PARVA: variants seen among roughly 807,000 people sequenced by gnomAD.
PARVA encodes parvin alpha.
In PARVA, 25 loss-of-function variants were observed where a neutral mutation model predicts 52.6. That is an observed-to-expected ratio of 0.48 (90% CI 0.35 to 0.66). The LOEUF is 0.66. Among genes scored for constraint, PARVA ranks in the 30% least tolerant of loss-of-function variants. The pLI is 0.01. For synonymous variants in PARVA, 185 were observed against 179.1 expected, an observed-to-expected ratio of 1.03 and a Z score of -0.26; for missense variants, 373 against 450.9, an observed-to-expected ratio of 0.83 and a Z score of 1.56.
intron 1 of PARVA, among the ~76,000 whole-genome samples, chr11:12,464,748 T>A (rs1940831821): frequency 6.6e-6 from 1 of 152,246 alleles, no homozygotes; most frequent in Non-Finnish European, 1.5e-5. Flanking sequence ...AAACTCATGT[T>A]CAAACTTAAT....
intron 10 of PARVA, 38 bp from the exon 11 acceptor site, chr11:12,517,572 G>T: frequency 6.9e-7 from 1 of 1,444,252 alleles, no homozygotes; most frequent in Non-Finnish European, 9.5e-7. Context: ...TGGCTGGGAG[G>T]CTCAGGGGCC....
Position 12,534,012 on chromosome 11 carries a change from C to CA in PARVA, c.*6093dup, listed in dbSNP as rs1248934083. ...TGAAACCCCGTCTGTACTAAAAATA[C>CA]AAAAAATTAGCCAGGTGTGGTGGTG... On this transcript the variant is annotated 3_prime_UTR_variant, in exon 13 of 13. Transcript: ENST00000334956. Among the ~76,000 whole-genome samples, 13 of 152,074 alleles carry CA rather than the reference C, an allele frequency of 8.5e-5. No homozygotes were observed. In the South Asian group the frequency reaches 2.3e-3, roughly 27 times the overall value.
At chr11:12,513,839 T>C (rs2135078649) in intron 9 of PARVA, 158 bp from the exon 10 acceptor site, 1 of 649,806 alleles carries the variant, frequency 1.5e-6, no homozygotes, top group Admixed American at 2.4e-5. Context: ...GTGCACTCAA[T>C]GGCCTTTGCA....
At chr11:12,384,004 A>G (rs1589935959) in intron 1 of PARVA, among the ~76,000 whole-genome samples, 2 of 151,910 alleles carry the variant, frequency 1.3e-5, no homozygotes, top group African/African-American at 2.4e-5. Context: ...CCTTTCTACC[A>G]TATCTGGCCA....
intron 5 of PARVA, among the ~76,000 whole-genome samples, chr11:12,499,467 A>AT (rs1394787922): frequency 1.3e-5 from 2 of 151,576 alleles, no homozygotes; most frequent in African/African-American, 4.9e-5. Context: ...CACAACAGTA[A>AT]TTTTCATTAT....
intron 3 of PARVA, among the ~76,000 whole-genome samples, 183 bp from the exon 4 acceptor site, chr11:12,477,664 C>CTT (rs1012743484): frequency 6.6e-6 from 1 of 152,166 alleles, no homozygotes; most frequent in African/African-American, 2.4e-5. Flanking sequence ...AGGAAGATCA[C>CTT]TTGAGCCCAG....
intron 8 of PARVA, among the ~76,000 whole-genome samples, chr11:12,512,004 C>A (rs180879971): frequency 3.3e-5 from 5 of 152,132 alleles, no homozygotes; most frequent in African/African-American, 4.8e-5. Context: ...CAGAAAAAAA[C>A]GTTTTGAGCA....
chr11:12,495,432 C>T (rs1484055272), intron 4 of PARVA, among the ~76,000 whole-genome samples: 3 of 151,994 alleles, frequency 2.0e-5, no homozygotes, highest in African/African-American at 2.4e-5. Context: ...GTATAGCAGC[C>T]CTTAAAAATT....
At chr11:12,485,838 T>C (rs1429219139) in intron 4 of PARVA, among the ~76,000 whole-genome samples, 1 of 152,184 alleles carries the variant, frequency 6.6e-6, no homozygotes, top group Non-Finnish European at 1.5e-5. Flanking sequence ...ACTTCACTTC[T>C]GTGGTCTTCC....
At chr11:12,380,978 T>C (rs1939476617) in intron 1 of PARVA, among the ~76,000 whole-genome samples, 1 of 152,212 alleles carries the variant, frequency 6.6e-6, no homozygotes, top group Admixed American at 6.5e-5. Context: ...TATATTTCAC[T>C]GTAAAGTCCT....
chr11:12,393,064 A>G (rs76530277), intron 1 of PARVA, among the ~76,000 whole-genome samples: 11,090 of 146,498 alleles, frequency 0.076, 559 homozygotes, highest in African/African-American at 0.13. Context: ...AAAAAAAAAA[A>G]AAAGAAAGAA....
At chr11:12,452,505 C>A (rs1940636527) in intron 1 of PARVA, among the ~76,000 whole-genome samples, 1 of 152,142 alleles carries the variant, frequency 6.6e-6, no homozygotes, top group African/African-American at 2.4e-5. Context: ...TCCAGTGTGG[C>A]CTTGGGGTCA....
At position 12,433,476 on chromosome 11, in the gene PARVA, G is replaced by C. The variant is rs142801598; in HGVS notation, c.137-40269G>C. Among the ~76,000 whole-genome samples the C allele has an allele frequency of 1.7e-4, 26 of 152,270 alleles. No homozygotes were observed. The East Asian group carries it at 4.4e-3, about 26-fold the overall frequency. On this transcript the variant is annotated intron_variant, in intron 1 of 12. Coordinates refer to ENST00000334956, the MANE Select transcript of PARVA (RefSeq NM_018222.5). ...AGCACTTGAGAGTATTTCAGTTTGG[G>C]TTGTGTGGAAGGTTTGTTCTGTTTT...
chr11:12,377,570 C>T (rs1373567846), upstream of PARVA: 20 of 1,495,454 alleles, frequency 1.3e-5, no homozygotes, highest in Non-Finnish European at 1.5e-5. Context: ...GCCGCAGCCT[C>T]AGTCCCGCCG....
intron 1 of PARVA, among the ~76,000 whole-genome samples, chr11:12,438,548 T>G (rs1940420397): frequency 6.6e-6 from 1 of 152,134 alleles, no homozygotes. Context: ...TCCCCACCTT[T>G]TAATACTGTT....
intron 1 of PARVA, among the ~76,000 whole-genome samples, chr11:12,391,508 A>G (rs926191969): frequency 6.6e-6 from 1 of 152,196 alleles, no homozygotes; most frequent in Non-Finnish European, 1.5e-5. Flanking sequence ...AAAGAAAAAC[A>G]ACACCCCTGC....
intron 1 of PARVA, among the ~76,000 whole-genome samples, chr11:12,384,442 A>T (rs759294911): frequency 3.3e-5 from 5 of 152,232 alleles, no homozygotes; most frequent in Non-Finnish European, 7.3e-5. Flanking sequence ...TGGAGCTTAC[A>T]TTCTAACAGG....
intron 5 of PARVA, among the ~76,000 whole-genome samples, chr11:12,499,493 T>C (rs1941340188): frequency 6.6e-6 from 1 of 152,072 alleles, no homozygotes; most frequent in Admixed American, 6.5e-5. Context: ...ATTTACAAAG[T>C]GCAGATAAAT....
chr11:12,448,723 G>A (rs1443616530), intron 1 of PARVA, among the ~76,000 whole-genome samples: 1 of 152,218 alleles, frequency 6.6e-6, no homozygotes, highest in Non-Finnish European at 1.5e-5. Flanking sequence ...AGGTCAGCTG[G>A]TCCCTGTCAT....
Sources: gnomAD v4.1 joint callset for allele counts (sites outside exome capture counted in the v4.1 genomes callset) on GRCh38, gnomAD v4.1.1 for gene constraint, MANE v1.5 for transcripts, NCBI Gene and HGNC (gene_info 2026-07-23, HGNC 2026-07-21) for gene names.